TNIK: variants seen among roughly 807,000 people sequenced by gnomAD.
TNIK encodes TRAF2 and NCK interacting kinase.
In TNIK, 49 loss-of-function variants were observed where a neutral mutation model predicts 191.3. The observed-to-expected ratio is 0.26, with a 90% CI of 0.20 to 0.32. The LOEUF is 0.32. TNIK is among the 10% of genes least tolerant of loss of function. The pLI, the probability that TNIK is intolerant of heterozygous loss-of-function variation, is 1.00. For missense variants in TNIK, 1,155 were observed against 1,702.3 expected, an observed-to-expected ratio of 0.68 and a Z score of 5.66; for synonymous variants, 594 against 600.9, an observed-to-expected ratio of 0.99 and a Z score of 0.17.
chr3:171,282,687 T>G (rs909573041), intron 2 of TNIK, among the ~76,000 whole-genome samples: 1 of 152,146 alleles, frequency 6.6e-6, no homozygotes, highest in East Asian at 1.9e-4. Context: ...CAAATGAAAC[T>G]GAAAAAGATA....
chr3:171,096,796 C>T (rs1722785938), intron 22 of TNIK, among the ~76,000 whole-genome samples: 1 of 152,162 alleles, frequency 6.6e-6, no homozygotes, highest in Non-Finnish European at 1.5e-5. Flanking sequence ...GCCTGGAATG[C>T]AGGTAGCACA....
At chr3:171,443,740 C>T (rs1367088444) in intron 1 of TNIK, among the ~76,000 whole-genome samples, 1 of 152,150 alleles carries the variant, frequency 6.6e-6, no homozygotes, top group African/African-American at 2.4e-5. Context: ...GGGAGGATCA[C>T]TTGTACCCAG....
At chr3:171,367,269 G>A (rs748316094) in intron 2 of TNIK, among the ~76,000 whole-genome samples, 8 of 152,006 alleles carry the variant, frequency 5.3e-5, no homozygotes, top group Non-Finnish European at 8.8e-5. Flanking sequence ...CTTTTAGCTC[G>A]TATTTTGCTA....
At chr3:171,192,829 G>T (rs532713339) in intron 5 of TNIK, among the ~76,000 whole-genome samples, 2 of 152,308 alleles carry the variant, frequency 1.3e-5, no homozygotes, top group East Asian at 3.9e-4. Flanking sequence ...AAGGAAATCA[G>T]CAGCCAGGCC....
At chr3:171,203,924 C>T (rs746959735) in intron 4 of TNIK, among the ~76,000 whole-genome samples, 1 of 152,234 alleles carries the variant, frequency 6.6e-6, no homozygotes, top group Non-Finnish European at 1.5e-5. Flanking sequence ...GACCACCCTA[C>T]ATTTCAGAAG....
chr3:171,223,676 C>G (rs1053925938), intron 3 of TNIK, among the ~76,000 whole-genome samples: 1 of 152,056 alleles, frequency 6.6e-6, no homozygotes, highest in African/African-American at 2.4e-5. Context: ...TGGTTAGCTG[C>G]TGAAAGGATC....
In TNIK at chr3:171,450,963, G is replaced by A. The variant is rs138401121; in HGVS notation, c.57+9044C>T. On this transcript the variant is annotated intron_variant, in intron 1 of 32. Transcript: ENST00000436636. ...TCACGACTGCCTTAAAGATAATAAAGCACTGAATTGGACAGTTTCAGGGTG... is the reference window on the plus strand; with the variant it reads ...TCACGACTGCCTTAAAGATAATAAAACACTGAATTGGACAGTTTCAGGGTG... Among the ~76,000 whole-genome samples the A allele has an allele frequency of 1.0e-3, 153 of 152,278 alleles. 1 individual carries two copies. The highest frequency in any genetic ancestry group is 3.5e-3 in the African/African-American group (147 of 41,556).
At chr3:171,198,231 C>T (rs1376244980) in intron 4 of TNIK, among the ~76,000 whole-genome samples, 2 of 150,592 alleles carry the variant, frequency 1.3e-5, no homozygotes, top group Non-Finnish European at 2.9e-5. Flanking sequence ...CCACTGTGCT[C>T]CAGCCTGGGT....
chr3:171,144,852 A>G (rs1731318809), intron 12 of TNIK, among the ~76,000 whole-genome samples: 1 of 152,220 alleles, frequency 6.6e-6, no homozygotes, highest in Non-Finnish European at 1.5e-5. Flanking sequence ...GAGTGAGATC[A>G]TATGGTATTT....
chr3:171,289,637 C>A (rs967425381), intron 2 of TNIK, among the ~76,000 whole-genome samples: 4 of 152,220 alleles, frequency 2.6e-5, no homozygotes, highest in Admixed American at 2.6e-4. Context: ...AGCTAGGTGG[C>A]TCATGCCTAA....
At position 171,330,639 on chromosome 3, in the gene TNIK, G is replaced by T. The variant is rs551239312; in HGVS notation, c.123+38981C>A. On this transcript the variant is annotated intron_variant, in intron 2 of 32. Transcript: ENST00000436636. Reference sequence around the variant, plus strand: ...GGTATAGGGGCATTTTATTGTTGGGGGATTCTTAACCAGGCAGATGGGGAA... The same window carrying T: ...GGTATAGGGGCATTTTATTGTTGGGTGATTCTTAACCAGGCAGATGGGGAA... 4.6e-5 allele frequency among the ~76,000 whole-genome samples: 7 copies of T among 152,198 alleles called. No homozygotes were observed. The South Asian group carries it at 1.5e-3, about 32-fold the overall frequency.
At chr3:171,147,379 A>C (rs1243865765) in intron 12 of TNIK, among the ~76,000 whole-genome samples, 1 of 152,190 alleles carries the variant, frequency 6.6e-6, no homozygotes, top group African/African-American at 2.4e-5. Flanking sequence ...TATAAGCTTC[A>C]CGGGAGCTAT....
At chr3:171,444,900 A>T (rs1275741426) in intron 1 of TNIK, among the ~76,000 whole-genome samples, 3 of 151,986 alleles carry the variant, frequency 2.0e-5, no homozygotes, top group Non-Finnish European at 4.4e-5. Flanking sequence ...TATTTTATTG[A>T]GATATGGTCT....
At chr3:171,459,505 C>T (rs1729178477) in intron 1 of TNIK, among the ~76,000 whole-genome samples, 1 of 152,196 alleles carries the variant, frequency 6.6e-6, no homozygotes, top group South Asian at 2.1e-4. Context: ...GCAATAACTG[C>T]CCCCTTGGAG....
At chr3:171,112,941 A>G (rs768436335) in intron 18 of TNIK, among the ~76,000 whole-genome samples, 11 of 152,142 alleles carry the variant, frequency 7.2e-5, no homozygotes, top group Admixed American at 1.3e-4. Flanking sequence ...ATTTCCTGAG[A>G]TTAGAATTCT....
intron 4 of TNIK, among the ~76,000 whole-genome samples, chr3:171,203,146 G>A (rs1173723416): frequency 2.0e-5 from 3 of 151,932 alleles, no homozygotes; most frequent in Admixed American, 2.0e-4. Context: ...ATTATCTGCA[G>A]TACCTAACAT....
At chr3:171,141,188 C>T (rs533462139) in intron 12 of TNIK, among the ~76,000 whole-genome samples, 1 of 135,134 alleles carries the variant, frequency 7.4e-6, no homozygotes, top group Non-Finnish European at 1.7e-5. Flanking sequence ...ACCATGCCTC[C>T]AACAGTGGAC....
intron 2 of TNIK, among the ~76,000 whole-genome samples, chr3:171,272,624 T>C (rs1426537391): frequency 1.3e-5 from 2 of 152,260 alleles, no homozygotes; most frequent in Admixed American, 6.5e-5. Flanking sequence ...ATTCTGCTGT[T>C]GATGCTTTGT....
At chr3:171,084,368 A>G (rs74777743) in intron 25 of TNIK, 43 bp from the exon 26 acceptor site, 34,570 of 1,590,204 alleles carry the variant, frequency 0.022, 475 homozygotes, top group Middle Eastern at 0.067. Flanking sequence ...ATCTTAAAAG[A>G]TAACTTATGG....
Sources: allele counts gnomAD v4.1 joint callset (sites outside exome capture counted in the v4.1 genomes callset), GRCh38; gene constraint gnomAD v4.1.1; transcripts MANE v1.5; gene names NCBI Gene and HGNC (gene_info 2026-07-23, HGNC 2026-07-21).